Variants in RALYL observed in about 807,000 individuals in gnomAD.
RALYL encodes RNA-binding Raly-like protein.
In RALYL, 29 loss-of-function variants were observed where a neutral mutation model predicts 35.1. The observed-to-expected ratio is 0.83, with a 90% CI of 0.61 to 1.13. The LOEUF (loss-of-function observed/expected upper bound fraction) is 1.13, where lower values mean the gene tolerates loss of function less well. Ranked by LOEUF, RALYL falls within the 50% of genes most tolerant of loss-of-function variation. RALYL has a pLI of 0.00. For missense variants in RALYL, 359 were observed against 360.4 expected (o/e 1.00, Z 0.03); for synonymous variants, 120 against 127.6 (o/e 0.94, Z 0.40).
chr8:84,734,008 G>A (rs1407264115), intron 2 of RALYL, among the ~76,000 whole-genome samples: 1 of 152,152 alleles, frequency 6.6e-6, no homozygotes, highest in Non-Finnish European at 1.5e-5. Flanking sequence ...TTATTTTGTT[G>A]CAAATATACA....
intron 2 of RALYL, among the ~76,000 whole-genome samples, chr8:84,650,157 C>A (rs1414291401): frequency 6.6e-6 from 1 of 151,978 alleles, no homozygotes; most frequent in African/African-American, 2.4e-5. Context: ...GCTGAAGTTG[C>A]TTATCAGCTT....
intron 1 of RALYL, among the ~76,000 whole-genome samples, chr8:84,337,024 A>C (rs1847929089): frequency 6.6e-6 from 1 of 150,592 alleles, no homozygotes; most frequent in Non-Finnish European, 1.5e-5. Flanking sequence ...CTGTGTATCT[A>C]TGTATCTAGT....
chr8:84,741,619 T>A (rs1336299958), intron 2 of RALYL, among the ~76,000 whole-genome samples: 1 of 151,972 alleles, frequency 6.6e-6, no homozygotes, highest in Non-Finnish European at 1.5e-5. Context: ...CACTTATGAC[T>A]TAATCACCTT....
At chr8:84,251,417 T>C (rs1830169716) in intron 1 of RALYL, among the ~76,000 whole-genome samples, 1 of 152,128 alleles carries the variant, frequency 6.6e-6, no homozygotes, top group African/African-American at 2.4e-5. Context: ...TCTTACATAA[T>C]AAAATTGTCT....
chr8:84,530,582 A>C (rs1423172388), intron 2 of RALYL, among the ~76,000 whole-genome samples: 1 of 152,106 alleles, frequency 6.6e-6, no homozygotes, highest in Non-Finnish European at 1.5e-5. Context: ...TCTCCTTTTA[A>C]ATGTGTGCTG....
intron 1 of RALYL, among the ~76,000 whole-genome samples, chr8:84,511,659 G>A (rs1055435114): frequency 6.6e-6 from 1 of 152,080 alleles, no homozygotes; most frequent in African/African-American, 2.4e-5. Flanking sequence ...CTATCTAACT[G>A]TATGCTTGTA....
intron 1 of RALYL, among the ~76,000 whole-genome samples, chr8:84,474,974 C>T (rs1360586858): frequency 7.1e-6 from 1 of 141,198 alleles, no homozygotes; most frequent in Admixed American, 7.8e-5. Flanking sequence ...AGGTTTGTTA[C>T]ATAGGTATGC....
intron 2 of RALYL, among the ~76,000 whole-genome samples, chr8:84,647,844 G>A (rs547510161): frequency 2.4e-4 from 36 of 152,222 alleles, no homozygotes; most frequent in Admixed American, 7.2e-4. Context: ...CTATGAAAGA[G>A]CTTACTGAAA....
rs562957168 is a variant in RALYL at position 84,576,219 on chromosome 8, C to T, written c.256+46642C>T. ...CTGTGAAAGTAAACAATATTCATTT[C>T]ATATACTGTGAAATTTTTATGTTAG... On this transcript the variant is annotated intron_variant, in intron 2 of 8. Coordinates refer to ENST00000521268, the MANE Select transcript of RALYL (RefSeq NM_173848.7). Among the ~76,000 whole-genome samples, 14 of 152,080 alleles carry T rather than the reference C, an allele frequency of 9.2e-5. No individual in the cohort carries two copies. In the South Asian group the frequency reaches 2.9e-3, roughly 32 times the overall value.
chr8:84,713,600 ATAAAG>A (rs1361683230), intron 2 of RALYL, among the ~76,000 whole-genome samples: 5 of 152,002 alleles, frequency 3.3e-5, no homozygotes, highest in Non-Finnish European at 5.9e-5. Context: ...CAGTGAGTAC[ATAAAG>A]TAAAGGGAAT....
intron 4 of RALYL, among the ~76,000 whole-genome samples, chr8:84,849,215 A>G (rs1207037373): frequency 6.6e-6 from 1 of 152,214 alleles, no homozygotes; most frequent in Non-Finnish European, 1.5e-5. Context: ...TTACTAATTC[A>G]TATTTAAATA....
intron 2 of RALYL, among the ~76,000 whole-genome samples, chr8:84,573,710 C>A (rs1385828754): frequency 6.6e-6 from 1 of 151,710 alleles, no homozygotes; most frequent in African/African-American, 2.4e-5. Context: ...CAGTTCTCAC[C>A]ATTTATCTTT....
intron 1 of RALYL, among the ~76,000 whole-genome samples, chr8:84,373,227 A>T (rs967254549): frequency 6.6e-6 from 1 of 151,802 alleles, no homozygotes; most frequent in Non-Finnish European, 1.5e-5. Flanking sequence ...TACTGTGCCA[A>T]GCTCTTTAGT....
chr8:84,689,256 G>A (rs1176370909), intron 2 of RALYL, among the ~76,000 whole-genome samples: 3 of 152,032 alleles, frequency 2.0e-5, no homozygotes, highest in Non-Finnish European at 2.9e-5. Context: ...AGTCCCCAGA[G>A]TGTGATGTTC....
At chr8:84,878,007 C>T (rs1841500708) in intron 7 of RALYL, among the ~76,000 whole-genome samples, 1 of 152,116 alleles carries the variant, frequency 6.6e-6, no homozygotes, top group Non-Finnish European at 1.5e-5. Context: ...AGGAGGTATA[C>T]CTAATTTAGC....
At chr8:84,289,322 GT>G (rs922057477) in intron 1 of RALYL, among the ~76,000 whole-genome samples, 2 of 152,074 alleles carry the variant, frequency 1.3e-5, no homozygotes, top group African/African-American at 4.8e-5. Flanking sequence ...ACTATTGCAA[GT>G]TTTTTAAAGT....
intron 1 of RALYL, among the ~76,000 whole-genome samples, chr8:84,380,192 C>T (rs944800617): frequency 6.6e-6 from 1 of 151,600 alleles, no homozygotes; most frequent in Non-Finnish European, 1.5e-5. Flanking sequence ...TTAATTCCTC[C>T]GAAGACTTGG....
At position 84,728,063 on chromosome 8, in the gene RALYL, G is replaced by C. The variant is rs375412824; in HGVS notation, c.257-46516G>C. Among the ~76,000 whole-genome samples, 1,134 of 151,446 alleles carry C rather than the reference G, an allele frequency of 7.5e-3. 20 individuals carry two copies. The highest frequency in any genetic ancestry group is 0.026 in the African/African-American group (1,055 of 41,182). The stretch of plus-strand genomic sequence containing the variant: ...GGAATCGCCACACTGACTTCCACAA[G>C]GGTTGAACTAGTTTACAGTCCCACC... On this transcript the variant is annotated intron_variant, in intron 2 of 8. Transcript: ENST00000521268.
At chr8:84,446,639 T>G (rs1000509963) in intron 1 of RALYL, among the ~76,000 whole-genome samples, 1 of 152,094 alleles carries the variant, frequency 6.6e-6, no homozygotes, top group Non-Finnish European at 1.5e-5. Flanking sequence ...CATATTTTCC[T>G]GGCTCAGTTG....
Sources: allele counts gnomAD v4.1 joint callset (sites outside exome capture counted in the v4.1 genomes callset), GRCh38; gene constraint gnomAD v4.1.1; transcripts MANE v1.5; gene names NCBI Gene and HGNC (gene_info 2026-07-23, HGNC 2026-07-21).